Variants in ZFHX4 observed in about 807,000 individuals in gnomAD.
ZFHX4 encodes the protein zinc finger homeobox protein 4.
Under a neutral mutation model 267.6 loss-of-function variants are expected in ZFHX4, and 56 were observed. The observed-to-expected ratio is 0.21, with a 90% confidence interval of 0.17 to 0.26. ZFHX4 has a LOEUF of 0.26. Ranked by LOEUF, ZFHX4 falls within the 10% of genes least tolerant of loss-of-function variation. The pLI is 1.00. For missense variants in ZFHX4, 4,332 were observed against 4,420.0 expected, an observed-to-expected ratio of 0.98 and a Z score of 0.56; for synonymous variants, 1,778 against 1,665.6, an observed-to-expected ratio of 1.07 and a Z score of -1.64.
intron 3 of ZFHX4, among the ~76,000 whole-genome samples, chr8:76,711,851 C>T (rs1483135770): frequency 6.6e-6 from 1 of 152,144 alleles, no homozygotes; most frequent in Non-Finnish European, 1.5e-5. Flanking sequence ...TTAGTTTGTT[C>T]TTGGCTCAGT....
chr8:76,825,884 A>G (rs1477448177), intron 4 of ZFHX4, among the ~76,000 whole-genome samples: 1 of 152,230 alleles, frequency 6.6e-6, no homozygotes, highest in Non-Finnish European at 1.5e-5. Flanking sequence ...TGAAAGTGTA[A>G]GAGAAGTTAT....
chr8:76,684,120 G>C lies in ZFHX4; in HGVS notation c.-47+2500G>C, dbSNP rs1246541234. ...TGTATAGAAATTGCTGAAAAGGGTGGTTTAAATAAAACAGAAAGGAGATAT... is the reference window on the plus strand; with the variant it reads ...TGTATAGAAATTGCTGAAAAGGGTGCTTTAAATAAAACAGAAAGGAGATAT... On this transcript the variant is annotated intron_variant, in intron 1 of 10. Transcript: ENST00000651372. Among the ~76,000 whole-genome samples, 3 of 151,850 alleles carry C rather than the reference G, an allele frequency of 2.0e-5. No individual in the cohort carries two copies. The East Asian group carries it at 5.8e-4, about 29-fold the overall frequency.
Position 76,699,977 on chromosome 8 carries a change from T to C in ZFHX4, c.-46-4066T>C, listed in dbSNP as rs118053472. On this transcript the variant is annotated intron_variant, in intron 1 of 10. Coordinates refer to ENST00000651372, the MANE Select transcript of ZFHX4 (RefSeq NM_024721.5). ...TTCATTGCTTTGTCAGGATTAGATA[T>C]ATGTGCCGTTTTCACACTGCGCCTC... Among the ~76,000 whole-genome samples the C allele has an allele frequency of 6.4e-3, 969 of 152,148 alleles. 4 individuals carry two copies. The highest frequency in any genetic ancestry group is 9.1e-3 in the Non-Finnish European group (620 of 67,948).
intron 4 of ZFHX4, among the ~76,000 whole-genome samples, chr8:76,791,026 C>A (rs1040416048): frequency 6.6e-5 from 10 of 152,260 alleles, no homozygotes; most frequent in African/African-American, 2.4e-4. Flanking sequence ...AAGCAAAAAA[C>A]TTTCAATAAG....
At chr8:76,808,824 C>T (rs1314850249) in intron 4 of ZFHX4, among the ~76,000 whole-genome samples, 1 of 152,058 alleles carries the variant, frequency 6.6e-6, no homozygotes, top group Non-Finnish European at 1.5e-5. Context: ...ACATATTCAG[C>T]AAAGATATTT....
At chr8:76,707,127 A>G (rs1808298553) in intron 2 of ZFHX4, among the ~76,000 whole-genome samples, 1 of 152,236 alleles carries the variant, frequency 6.6e-6, no homozygotes, top group Non-Finnish European at 1.5e-5. Context: ...CAATAATACC[A>G]TTACCTTATC....
chr8:76,703,139 T>C (rs1383000927), intron 1 of ZFHX4, among the ~76,000 whole-genome samples: 1 of 152,030 alleles, frequency 6.6e-6, no homozygotes, highest in Non-Finnish European at 1.5e-5. Context: ...GCAAAAAAAC[T>C]TTAAAAAAAA....
rs183434392 is a variant in ZFHX4 at position 76,693,989 on chromosome 8, A to G, written c.-46-10054A>G. ...GATGCCAATAAGAACAGGAATAAAGAGCTCCTTGCATGGTCCAAGACTGAA... is the reference window on the plus strand; with the variant it reads ...GATGCCAATAAGAACAGGAATAAAGGGCTCCTTGCATGGTCCAAGACTGAA... On this transcript the variant is annotated intron_variant, in intron 1 of 10. Coordinates refer to ENST00000651372, the MANE Select transcript of ZFHX4 (RefSeq NM_024721.5). Among the ~76,000 whole-genome samples the G allele has an allele frequency of 2.6e-4, 40 of 152,308 alleles. No individual in the cohort carries two copies. The East Asian group carries it at 6.9e-3, about 26-fold the overall frequency.
intron 1 of ZFHX4, among the ~76,000 whole-genome samples, chr8:76,702,884 A>G (rs530936035): frequency 6.6e-4 from 100 of 152,190 alleles, no homozygotes; most frequent in Non-Finnish European, 1.0e-3. Context: ...TCATTCTGCA[A>G]ACTGAGAGAT....
At chr8:76,731,893 T>A (rs369926845) in intron 3 of ZFHX4, among the ~76,000 whole-genome samples, 5 of 100,636 alleles carry the variant, frequency 5.0e-5, no homozygotes, top group South Asian at 6.6e-4. Flanking sequence ...TATTATTATT[T>A]TTGAGACAGA....
intron 4 of ZFHX4, 49 bp from the exon 5 acceptor site, chr8:76,833,289 G>C (rs1360706591): frequency 2.6e-6 from 4 of 1,525,112 alleles, no homozygotes; most frequent in Middle Eastern, 3.4e-4. Context: ...CATGATGAGA[G>C]AGCTGGATAT....
In ZFHX4 at chr8:76,706,181, C is replaced by G; in HGVS notation, c.2093C>G (p.Pro698Arg). Residue 698 changes from proline to arginine, a missense_variant, in exon 2 of 11, where the codon CCC becomes CGC. By Grantham distance (103) the Pro-to-Arg change is moderately radical. Coordinates refer to ENST00000651372, the MANE Select transcript of ZFHX4 (RefSeq NM_024721.5). ...RGESYTCGYK[P>R]FRCEVCNYST... ...GAGAGTTACACGTGTGGCTATAAAC[C>G]CTTCCGTTGTGAGGTTTGTAACTAC... 1.2e-6 allele frequency: 2 copies of G among 1,613,984 alleles called. No individual in the cohort carries two copies. The highest frequency in any genetic ancestry group is 8.5e-7 in the Non-Finnish European group (1 of 1,179,992).
At chr8:76,733,345 T>G (rs1298872844) in intron 3 of ZFHX4, 1 of 152,216 alleles carries the variant, frequency 6.6e-6, no homozygotes, top group Non-Finnish European at 1.5e-5. Flanking sequence ...GCTGTTCTCC[T>G]GTCTCCCTTA....
At chr8:76,785,023 A>G (rs1257664635) in intron 4 of ZFHX4, among the ~76,000 whole-genome samples, 2 of 152,122 alleles carry the variant, frequency 1.3e-5, no homozygotes, top group African/African-American at 2.4e-5. Flanking sequence ...TAAATTTGGT[A>G]CTACCTTTTA....
intron 10 of ZFHX4, 42 bp from the exon 11 acceptor site, chr8:76,863,052 T>C (rs535131185): frequency 6.8e-7 from 1 of 1,464,594 alleles, no homozygotes; most frequent in Non-Finnish European, 9.0e-7. Flanking sequence ...CCGATGTTGG[T>C]CTGTACATTG....
In ZFHX4 at chr8:76,855,250, T is replaced by C. The variant is rs746143207; in HGVS notation, c.8329T>C (p.Cys2777Arg). The C allele has an allele frequency of 9.3e-6, 15 of 1,609,678 alleles. No individual in the cohort carries two copies. The South Asian group carries it at 1.3e-4, about 14-fold the overall frequency. ...AAGCCCTTCTTCTTTTAAAGCAGAG[T>C]GTTCTGAGGATGTAGAGAATTTAAA... The part of the protein sequence containing the change: ...LLSPSSFKAE[C>R]SEDVENLNAP... Residue 2777 changes from cysteine (C) to arginine (R), a missense_variant, in exon 10 of 11, where the codon TGT becomes CGT. Cys to Arg is a radical substitution (Grantham distance 180, BLOSUM62 -3). Transcript: ENST00000651372.
At chr8:76,756,214 A>G (rs746017568) in intron 3 of ZFHX4, among the ~76,000 whole-genome samples, 5 of 152,186 alleles carry the variant, frequency 3.3e-5, no homozygotes, top group Non-Finnish European at 7.4e-5. Flanking sequence ...GATGAACAGT[A>G]TAGTCATCCA....
chr8:76,860,232 T>C (rs1812831711), intron 10 of ZFHX4, among the ~76,000 whole-genome samples: 1 of 152,108 alleles, frequency 6.6e-6, no homozygotes, highest in Non-Finnish European at 1.5e-5. Flanking sequence ...TTATTCTTAA[T>C]CTACATCTCT....
chr8:76,849,160 A>T, intron 7 of ZFHX4, 32 bp downstream of exon 7: 1 of 1,522,580 alleles, frequency 6.6e-7, no homozygotes. Flanking sequence ...TACTGTGTAA[A>T]TCTTTATTTT....
Sources: gnomAD v4.1 joint callset for allele counts (sites outside exome capture counted in the v4.1 genomes callset) on GRCh38, gnomAD v4.1.1 for gene constraint, MANE v1.5 for transcripts, NCBI Gene and HGNC (gene_info 2026-07-23, HGNC 2026-07-21) for gene names.